The following DPP6 variants were observed in gnomAD, a reference collection of about 807,000 sequenced individuals.
DPP6 encodes dipeptidyl peptidase like 6.
A neutral mutation model predicts 122.6 loss-of-function variants in DPP6; 69 were observed. That is an observed-to-expected ratio of 0.56 (90% CI 0.46 to 0.69). The LOEUF is 0.69. Among genes scored for constraint, DPP6 ranks in the 30% least tolerant of loss-of-function variants. The pLI is 0.00. For missense variants in DPP6, 928 were observed against 1,116.9 expected (o/e 0.83, Z 2.41); for synonymous variants, 418 against 433.1 (o/e 0.97, Z 0.43).
At position 154,209,746 on chromosome 7, in the gene DPP6, G is replaced by A. The variant is rs549048587; in HGVS notation, c.243+156683G>A. On this transcript the variant is annotated intron_variant, in intron 1 of 25. Coordinates refer to ENST00000377770, the MANE Select transcript of DPP6 (RefSeq NM_130797.4). ...CTGGATACTGTGAAAAGCCAGGTCA[G>A]GAATCCACAATGGGCATCAGTCATC... is the stretch of plus-strand genomic sequence containing the variant. Among the ~76,000 whole-genome samples the A allele has an allele frequency of 5.3e-5, 8 of 152,252 alleles. No individual in the cohort carries two copies. The South Asian group carries it at 1.7e-3, about 32-fold the overall frequency.
chr7:154,474,871 T>G, intron 2 of DPP6, 68 bp from the exon 3 acceptor site: 5 of 1,215,542 alleles, frequency 4.1e-6, no homozygotes, highest in Non-Finnish European at 4.8e-6. Flanking sequence ...ACAATCAGAA[T>G]GTTTATGGTC....
intron 1 of DPP6, chr7:154,058,934 C>A (rs1158627868): frequency 6.6e-6 from 1 of 150,438 alleles, no homozygotes; most frequent in African/African-American, 2.5e-5. Context: ...GCTGTTAGTA[C>A]CCCCATCGCA....
At chr7:154,179,875 A>T (rs917991221) in intron 1 of DPP6, among the ~76,000 whole-genome samples, 1 of 151,754 alleles carries the variant, frequency 6.6e-6, no homozygotes, top group Non-Finnish European at 1.5e-5. Flanking sequence ...CCATTTATTT[A>T]AAAAAAATCA....
chr7:154,320,429 A>G (rs1807841085), intron 1 of DPP6, among the ~76,000 whole-genome samples: 1 of 152,106 alleles, frequency 6.6e-6, no homozygotes, highest in Non-Finnish European at 1.5e-5. Context: ...TAGAAACTGT[A>G]TCCATAATCC....
At chr7:154,559,151 T>C (rs1830240254) in intron 4 of DPP6, among the ~76,000 whole-genome samples, 1 of 148,322 alleles carries the variant, frequency 6.7e-6, no homozygotes, top group Admixed American at 6.8e-5. Flanking sequence ...CTCAAGGCTA[T>C]AAGGAAAACC....
At chr7:153,913,286 C>A (rs1239448797) in intron 1 of DPP6, among the ~76,000 whole-genome samples, 2 of 152,102 alleles carry the variant, frequency 1.3e-5, no homozygotes, top group African/African-American at 4.8e-5. Context: ...TGTCAGCCAG[C>A]AGGTCTCAAA....
intron 1 of DPP6, among the ~76,000 whole-genome samples, chr7:154,312,469 T>C (rs1806987135): frequency 6.6e-6 from 1 of 152,218 alleles, no homozygotes; most frequent in Non-Finnish European, 1.5e-5. Context: ...TGATCCATTT[T>C]TAAGAAATTT....
rs147412736 is a variant in DPP6 at position 154,390,755 on chromosome 7, T to G, written c.244-55459T>G. ...CTGGCACTGCCCCTGTGTTTTCCGT[T>G]CAGAGAAAAGCCTTTCCTAGCATTC... On this transcript the variant is annotated intron_variant, in intron 1 of 25. Transcript: ENST00000377770. Among the ~76,000 whole-genome samples the G allele has an allele frequency of 9.7e-4, 147 of 152,218 alleles. 1 individual carries two copies. The highest frequency in any genetic ancestry group is 1.8e-3 in the Non-Finnish European group (122 of 68,008).
intron 1 of DPP6, among the ~76,000 whole-genome samples, chr7:154,028,708 G>C (rs1160269948): frequency 1.3e-5 from 2 of 152,110 alleles, no homozygotes; most frequent in Non-Finnish European, 2.9e-5. Context: ...AGCAGATACT[G>C]CTTCTGGTAG....
intron 1 of DPP6, among the ~76,000 whole-genome samples, chr7:154,194,713 T>G (rs933192922): frequency 5.3e-5 from 8 of 152,244 alleles, no homozygotes; most frequent in African/African-American, 1.9e-4. Context: ...TCGTTCGCAC[T>G]TGCCTAGTGA....
chr7:154,614,365 G>A (rs1351079727), intron 5 of DPP6, among the ~76,000 whole-genome samples: 1 of 152,200 alleles, frequency 6.6e-6, no homozygotes, highest in Non-Finnish European at 1.5e-5. Flanking sequence ...AAAGAAAGAG[G>A]AAGGAAAGGT....
At chr7:154,187,743 C>T (rs1246637849) in intron 1 of DPP6, among the ~76,000 whole-genome samples, 2 of 152,070 alleles carry the variant, frequency 1.3e-5, no homozygotes, top group African/African-American at 2.4e-5. Flanking sequence ...CCCTAAGCTT[C>T]AGTTTTTCTC....
chr7:153,887,850 G>A lies in DPP6; in HGVS notation c.51+116G>A, dbSNP rs1799004356. 9 of 1,186,376 alleles carry A rather than the reference G, an allele frequency of 7.6e-6. No homozygotes were observed. In the South Asian group the frequency reaches 1.3e-4, roughly 17 times the overall value. The allele number at this position is 1,186,376 out of a possible 1,614,324, so 73.5% of individuals were successfully genotyped here. A position where few individuals can be genotyped will look rare whatever the true frequency, so the allele number is the denominator to read the frequency against. On this transcript the variant is annotated intron_variant, in intron 1 of 25. Coordinates refer to the DPP6 transcript ENST00000404039. ...CTCCCTGGAAGGACAGCGACCCCAT[G>A]CCCGCGCGCGGCGGCGCTTCTCCCA... is the stretch of plus-strand genomic sequence containing the variant.
At chr7:154,759,491 C>T (rs898515441) in intron 8 of DPP6, among the ~76,000 whole-genome samples, 27 of 152,232 alleles carry the variant, frequency 1.8e-4, no homozygotes, top group Admixed American at 4.6e-4. Flanking sequence ...GCTGGACTCT[C>T]GAGGCCAGGC....
chr7:154,393,855 A>T (rs2151170543), intron 1 of DPP6, among the ~76,000 whole-genome samples: 1 of 152,220 alleles, frequency 6.6e-6, no homozygotes, highest in South Asian at 2.1e-4. Flanking sequence ...TGTCTCCATG[A>T]TTTTGACTAC....
At chr7:154,739,669 A>AT (rs2131406367) in intron 8 of DPP6, among the ~76,000 whole-genome samples, 1 of 112,898 alleles carries the variant, frequency 8.9e-6, no homozygotes, top group South Asian at 3.6e-4. Context: ...CATCAGAACC[A>AT]TTAGTCATCA....
In DPP6 at chr7:154,303,364, A is replaced by C. The variant is rs7786259; in HGVS notation, c.244-142850A>C. On this transcript the variant is annotated intron_variant, in intron 1 of 25. Coordinates refer to ENST00000377770, the MANE Select transcript of DPP6 (RefSeq NM_130797.4). ...CCCTTCTTTCTGAGCCTGTTTACTC[A>C]GCTGCTGGGGCCTCCATGACAGGTT... 4.3e-3 allele frequency among the ~76,000 whole-genome samples: 648 copies of C among 152,014 alleles called. 9 individuals carry two copies. Among genetic ancestry groups the C allele is most frequent in the East Asian group, 0.037 (193 of 5,150 alleles).
intron 1 of DPP6, among the ~76,000 whole-genome samples, chr7:154,179,238 T>G (rs1311844664): frequency 3.3e-5 from 5 of 152,328 alleles, no homozygotes; most frequent in African/African-American, 1.2e-4. Context: ...AAATTCTAGT[T>G]GCTCTAAAGA....
intron 1 of DPP6, among the ~76,000 whole-genome samples, chr7:154,257,370 C>T (rs1023056885): frequency 3.3e-5 from 5 of 152,048 alleles, no homozygotes; most frequent in Admixed American, 1.3e-4. Flanking sequence ...GGATTCCCTT[C>T]GGCCTATGAA....
Sources: allele counts gnomAD v4.1 joint callset (sites outside exome capture counted in the v4.1 genomes callset), GRCh38; gene constraint gnomAD v4.1.1; transcripts MANE v1.5; gene names NCBI Gene and HGNC (gene_info 2026-07-23, HGNC 2026-07-21).